Variants in MAN1A2 observed in about 807,000 individuals in gnomAD.
MAN1A2 encodes mannosyl-oligosaccharide 1,2-alpha-mannosidase IB.
In MAN1A2, 26 loss-of-function variants were observed where a neutral mutation model predicts 75.7. The ratio of observed to expected loss-of-function variants is 0.34; its 90% CI spans 0.25 to 0.48. MAN1A2 has a LOEUF of 0.48. Among genes scored for constraint, MAN1A2 ranks in the 20% least tolerant of loss-of-function variants. The pLI is 0.99. For synonymous variants in MAN1A2, 247 were observed against 264.6 expected, an observed-to-expected ratio of 0.93 and a Z score of 0.65; for missense variants, 562 against 775.5, an observed-to-expected ratio of 0.72 and a Z score of 3.27.
At chr1:117,497,649 T>C (rs976645593) in intron 10 of MAN1A2, among the ~76,000 whole-genome samples, 1 of 151,846 alleles carries the variant, frequency 6.6e-6, no homozygotes, top group Non-Finnish European at 1.5e-5. Context: ...CATAAATAGA[T>C]ACACAGTATA....
intron 5 of MAN1A2, among the ~76,000 whole-genome samples, chr1:117,434,601 A>T (rs1648787971): frequency 6.6e-6 from 1 of 152,200 alleles, no homozygotes; most frequent in Admixed American, 6.5e-5. Context: ...ATATTCATCC[A>T]TAGGAGAGTG....
At chr1:117,501,781 G>A (rs937174697) in intron 11 of MAN1A2, among the ~76,000 whole-genome samples, 5 of 151,736 alleles carry the variant, frequency 3.3e-5, no homozygotes, top group Non-Finnish European at 2.9e-5. Flanking sequence ...TTCATAGGAA[G>A]GAGAAGCCCA....
intron 6 of MAN1A2, among the ~76,000 whole-genome samples, chr1:117,454,164 G>A (rs754010957): frequency 2.0e-5 from 3 of 152,046 alleles, no homozygotes; most frequent in Non-Finnish European, 4.4e-5. Flanking sequence ...GACTCATTTT[G>A]TTGCAATATT....
rs569126166 is a variant in MAN1A2 at position 117,385,369 on chromosome 1, TC to T, written c.303-16815del. Among the ~76,000 whole-genome samples the T allele has an allele frequency of 9.2e-5, 14 of 152,320 alleles. No individual in the cohort carries two copies. The East Asian group carries it at 2.5e-3, about 27-fold the overall frequency. On this transcript the variant is annotated intron_variant, in intron 1 of 12. Coordinates refer to ENST00000356554, the MANE Select transcript of MAN1A2 (RefSeq NM_006699.5). ...TATATAGGTGAGTTCCTTGCTAAGT[TC>T]CAGGTCTCTTCCTAGATTCCTGACA... is the stretch of plus-strand genomic sequence containing the variant.
chr1:117,516,185 T>C (rs992857351), intron 12 of MAN1A2, among the ~76,000 whole-genome samples: 3 of 152,160 alleles, frequency 2.0e-5, no homozygotes, highest in Admixed American at 6.6e-5. Context: ...TTGCAGTAAT[T>C]TAAAATAACA....
chr1:117,477,632 G>T (rs879724670), intron 8 of MAN1A2, among the ~76,000 whole-genome samples: 3 of 151,948 alleles, frequency 2.0e-5, no homozygotes, highest in Non-Finnish European at 4.4e-5. Flanking sequence ...ATGATGGAAT[G>T]TATCTCAAAA....
At chr1:117,462,397 G>T (rs969584820) in intron 7 of MAN1A2, among the ~76,000 whole-genome samples, 1 of 152,070 alleles carries the variant, frequency 6.6e-6, no homozygotes, top group Non-Finnish European at 1.5e-5. Flanking sequence ...AAACAAAGCT[G>T]AACAGTATAT....
At chr1:117,408,349 ATTCTGG>A in intron 3 of MAN1A2, among the ~76,000 whole-genome samples, 1 of 150,860 alleles carries the variant, frequency 6.6e-6, no homozygotes, top group South Asian at 2.1e-4. Flanking sequence ...CTATTTAGAT[ATTCTGG>A]AAAGTAGAAA....
intron 1 of MAN1A2, 149 bp from the exon 2 acceptor site, chr1:117,402,037 A>G (rs1364009039): frequency 8.9e-6 from 6 of 676,732 alleles, no homozygotes; most frequent in Non-Finnish European, 1.2e-5. Flanking sequence ...CCAGATCTGA[A>G]TGTGTCTCAC....
chr1:117,445,866 G>GCATATATATA (rs1649210752), intron 6 of MAN1A2, among the ~76,000 whole-genome samples: 1 of 120,164 alleles, frequency 8.3e-6, no homozygotes, highest in Admixed American at 8.6e-5. Flanking sequence ...GTGTATGTGT[G>GCATATATATA]TGTGTGTCTG....
chr1:117,435,891 C>G (rs1248477218), intron 5 of MAN1A2, among the ~76,000 whole-genome samples: 1 of 152,068 alleles, frequency 6.6e-6, no homozygotes, highest in Non-Finnish European at 1.5e-5. Flanking sequence ...AACCCTCTCT[C>G]TACTAAAAAT....
At chr1:117,370,335 T>G (rs1447588286) in intron 1 of MAN1A2, among the ~76,000 whole-genome samples, 2 of 152,236 alleles carry the variant, frequency 1.3e-5, no homozygotes, top group Admixed American at 1.3e-4. Context: ...TGAGTCTGGA[T>G]AGATTCCAAT....
chr1:117,457,062 C>A (rs1048040111), intron 6 of MAN1A2, among the ~76,000 whole-genome samples: 26 of 152,088 alleles, frequency 1.7e-4, no homozygotes, highest in African/African-American at 6.3e-4. Context: ...TTACTCCATT[C>A]TTTCAATACA....
At chr1:117,518,409 T>C (rs1651779668) in intron 12 of MAN1A2, among the ~76,000 whole-genome samples, 1 of 152,066 alleles carries the variant, frequency 6.6e-6, no homozygotes, top group Admixed American at 6.6e-5. Context: ...AAATGGTGTA[T>C]GTTTTCTTTT....
At chr1:117,437,750 AAT>A (rs1482282363) in intron 5 of MAN1A2, among the ~76,000 whole-genome samples, 38 of 152,314 alleles carry the variant, frequency 2.5e-4, no homozygotes, top group African/African-American at 8.2e-4. Flanking sequence ...TAAATGAGTT[AAT>A]ATGTTTGTCA....
At chr1:117,431,158 A>G (rs1417390089) in intron 5 of MAN1A2, among the ~76,000 whole-genome samples, 1 of 113,414 alleles carries the variant, frequency 8.8e-6, no homozygotes, top group Non-Finnish European at 1.8e-5. Flanking sequence ...AGTACAGTCC[A>G]GCTTCGGCTC....
At chr1:117,505,030 A>G (rs977495226) in intron 12 of MAN1A2, among the ~76,000 whole-genome samples, 1 of 151,512 alleles carries the variant, frequency 6.6e-6, no homozygotes, top group Non-Finnish European at 1.5e-5. Flanking sequence ...TTAATAACTT[A>G]TCTGTGGAGT....
intron 5 of MAN1A2, among the ~76,000 whole-genome samples, chr1:117,425,151 AAAG>A (rs1012598444): frequency 7.5e-6 from 1 of 132,728 alleles, no homozygotes; most frequent in African/African-American, 2.8e-5. Context: ...GGAAGGAAGA[AAAG>A]GAGGGCAAAG....
At chr1:117,390,832 G>C (rs949033659) in intron 1 of MAN1A2, among the ~76,000 whole-genome samples, 10 of 151,456 alleles carry the variant, frequency 6.6e-5, no homozygotes, top group Non-Finnish European at 1.5e-4. Context: ...AAGTACTTTA[G>C]CTTTATCTAC....
Sources: allele counts gnomAD v4.1 joint callset (sites outside exome capture counted in the v4.1 genomes callset), GRCh38; gene constraint gnomAD v4.1.1; transcripts MANE v1.5; gene names NCBI Gene and HGNC (gene_info 2026-07-23, HGNC 2026-07-21).